The following VPS16 variants were observed in gnomAD, a reference collection of about 807,000 sequenced individuals.
VPS16 encodes the protein VPS16 core subunit of CORVET and HOPS complexes.
Under a neutral mutation model 116.0 loss-of-function variants are expected in VPS16, and 82 were observed. That is an observed-to-expected ratio of 0.71 (90% CI 0.59 to 0.85). The LOEUF (loss-of-function observed/expected upper bound fraction) is 0.85, where lower values mean the gene tolerates loss of function less well. Ranked by LOEUF, VPS16 falls within the 40% of genes least tolerant of loss-of-function variation. The probability of loss-of-function intolerance (pLI) is 0.00; values close to 1 mark genes in which losing one functional copy is unlikely to be tolerated. For missense variants in VPS16, 928 were observed against 1,090.6 expected (o/e 0.85, Z 2.10); for synonymous variants, 406 against 420.7 (o/e 0.96, Z 0.43).
At chr20:2,850,829 G>T (rs2089111515) in intron 1 of VPS16, among the ~76,000 whole-genome samples, 1 of 151,256 alleles carries the variant, frequency 6.6e-6, no homozygotes, top group Non-Finnish European at 1.5e-5. Context: ...AAAAACAGCT[G>T]GGCATGGTGG....
chr20:2,864,927 G>A lies in VPS16; in HGVS notation c.1927-51G>A. The A allele has an allele frequency of 6.2e-7, 1 of 1,610,936 alleles. No individual in the cohort carries two copies. The highest frequency in any genetic ancestry group is 1.1e-5 in the South Asian group (1 of 90,984). On this transcript the variant is annotated intron_variant, in intron 19 of 23. Transcript: ENST00000380445. This position sits in a 1 kb window ranked among gnomAD's most constrained non-coding sequence, Gnocchi z 5.2. The stretch of plus-strand genomic sequence containing the variant: ...AGAAGACTGTAGCCTGGGTGAGGAG[G>A]GCGAGGGTCCTGCATGCTGTGAGTT...
Position 2,864,089 on chromosome 20 carries a change from G to T in VPS16, c.1611+6G>T. On this transcript the variant is annotated splice_donor_region_variant and intron_variant, in intron 16 of 23. Coordinates refer to ENST00000380445, the MANE Select transcript of VPS16 (RefSeq NM_022575.4). The surrounding 1 kb of genome is among the most constrained non-coding windows in gnomAD (Gnocchi z 5.2). ...GCACGGAGCTGGCCATCAAGGTGTG[G>T]GTGCCCAGCCCTCCACAGACACTCT... 3.1e-6 allele frequency: 5 copies of T among 1,613,774 alleles called. No individual in the cohort carries two copies. The highest frequency in any genetic ancestry group is 4.2e-6 in the Non-Finnish European group (5 of 1,179,716).
chr20:2,866,014 T>G, intron 22 of VPS16, 198 bp from the exon 23 acceptor site: 1 of 595,786 alleles, frequency 1.7e-6, no homozygotes, highest in East Asian at 2.9e-5. Flanking sequence ...TGACAGAGCT[T>G]TGGTTTAGGT....
chr20:2,865,611 A>G lies in VPS16; in HGVS notation c.2271+116A>G. 1.1e-6 allele frequency: 1 copy of G among 926,758 alleles called. No individual in the cohort carries two copies. The highest frequency in any genetic ancestry group is 2.6e-5 in the Admixed American group (1 of 38,306). 57.4% of individuals were successfully genotyped at this position (926,758 alleles called of 1,614,324 possible). A position where few individuals can be genotyped will look rare whatever the true frequency, so the allele number is the denominator to read the frequency against. On this transcript the variant is annotated intron_variant, in intron 22 of 23. Transcript: ENST00000380445. The surrounding 1 kb of genome is among the most constrained non-coding windows in gnomAD (Gnocchi z 5.2). The stretch of plus-strand genomic sequence containing the variant: ...CATGCTCCTGTTCAGCTGCCCGCAT[A>G]GTTAGCGAGTGCTTCCTGTATACAC...
chr20:2,856,519 G>A (rs1290711747), intron 1 of VPS16, among the ~76,000 whole-genome samples: 2 of 152,222 alleles, frequency 1.3e-5, no homozygotes, highest in Non-Finnish European at 2.9e-5. Context: ...AAAGCAAAGT[G>A]CAACAAAATG....
chr20:2,843,363 C>T (rs1470365048), intron 1 of VPS16, among the ~76,000 whole-genome samples: 1 of 151,482 alleles, frequency 6.6e-6, no homozygotes, highest in East Asian at 1.9e-4. Flanking sequence ...ACCTGGGAGG[C>T]GGAGGTTGCG....
chr20:2,859,701 T>A lies in VPS16; in HGVS notation c.54-18T>A. On this transcript the variant is annotated intron_variant, in intron 1 of 23. Transcript: ENST00000380445. ...GCAGGGTAATGAGGCTAATTTCTGC[T>A]CATCTCTGTGTGGGCAGGAAATATG... The A allele has an allele frequency of 6.2e-7, 1 of 1,612,766 alleles. No individual in the cohort carries two copies. Among genetic ancestry groups the A allele is most frequent in the South Asian group, 1.1e-5 (1 of 90,926 alleles).
At chr20:2,849,195 A>G (rs904320776) in intron 1 of VPS16, among the ~76,000 whole-genome samples, 101 of 152,140 alleles carry the variant, frequency 6.6e-4, no homozygotes, top group Non-Finnish European at 5.9e-5. Context: ...TTTTCACATG[A>G]GAAATGGTGT....
chr20:2,840,991 G>A, intron 1 of VPS16, 164 bp downstream of exon 1: 2 of 654,240 alleles, frequency 3.1e-6, no homozygotes, highest in South Asian at 3.9e-5. Context: ...TTTGGGCAGG[G>A]AGCCGGGCCT....
chr20:2,852,585 A>G (rs2089132749), intron 1 of VPS16, among the ~76,000 whole-genome samples: 1 of 152,230 alleles, frequency 6.6e-6, no homozygotes, highest in Admixed American at 6.5e-5. Context: ...CCAGACTACA[A>G]CAATATAATG....
chr20:2,853,754 C>G (rs527904479), intron 1 of VPS16, among the ~76,000 whole-genome samples: 38 of 152,162 alleles, frequency 2.5e-4, no homozygotes, highest in Middle Eastern at 6.8e-3. Flanking sequence ...CTCACTGCAA[C>G]CTCCGTCTCC....
In VPS16 at chr20:2,841,223, G is replaced by A. The variant is rs542362246; in HGVS notation, c.53+396G>A. On this transcript the variant is annotated intron_variant, in intron 1 of 23. Coordinates refer to ENST00000380445, the MANE Select transcript of VPS16 (RefSeq NM_022575.4). ...GGGCGGGGTAACAGTGCTGACCAAGGCTGGGAAAAGGGGGCGAGTCGTCCG... is the reference window on the plus strand; with the variant it reads ...GGGCGGGGTAACAGTGCTGACCAAGACTGGGAAAAGGGGGCGAGTCGTCCG... The A allele has an allele frequency of 2.5e-3, 611 of 240,266 alleles. 4 individuals carry two copies. The highest frequency in any genetic ancestry group is 3.6e-3 in the Non-Finnish European group (442 of 121,592). 14.9% of individuals were successfully genotyped at this position (240,266 alleles called of 1,614,324 possible).
chr20:2,844,834 G>T (rs1329278524), intron 1 of VPS16, among the ~76,000 whole-genome samples: 1 of 152,156 alleles, frequency 6.6e-6, no homozygotes, highest in African/African-American at 2.4e-5. Context: ...CCTAAAGAGA[G>T]CCAGTGTGGC....
chr20:2,866,108 T>C (rs564076772), intron 22 of VPS16, 104 bp from the exon 23 acceptor site: 7 of 969,164 alleles, frequency 7.2e-6, no homozygotes, highest in Middle Eastern at 2.2e-4. Context: ...TGTATACATA[T>C]AGAATATATA....
Position 2,864,447 on chromosome 20 carries a change from C to T in VPS16, c.1803C>T (p.Leu601=). 6.2e-7 allele frequency: 1 copy of T among 1,614,172 alleles called. No individual in the cohort carries two copies. The highest frequency in any genetic ancestry group is 8.5e-7 in the Non-Finnish European group (1 of 1,180,034). The change falls in exon 18 of 24, where the codon CTC becomes CTT. Residue 601 remains leucine, a synonymous_variant. Coordinates refer to ENST00000380445, the MANE Select transcript of VPS16 (RefSeq NM_022575.4). The surrounding 1 kb of genome is among the most constrained non-coding windows in gnomAD (Gnocchi z 5.2). ...FMTLRNQPMA[L]SLYRQFCKHQ... ...CCCTTCGGAATCAGCCCATGGCCCT[C>T]AGTTTGTACCGACAGGTGTGTGTAG...
At chr20:2,866,171 G>A (rs768348117) in intron 22 of VPS16, 41 bp from the exon 23 acceptor site, 18 of 1,572,834 alleles carry the variant, frequency 1.1e-5, no homozygotes, top group Non-Finnish European at 1.5e-5. Flanking sequence ...CAGGAGGGCT[G>A]TGCATTACCT....
chr20:2,855,430 G>A (rs1304853342), intron 1 of VPS16, among the ~76,000 whole-genome samples: 1 of 152,020 alleles, frequency 6.6e-6, no homozygotes, highest in Non-Finnish European at 1.5e-5. Context: ...ATTCTTAAGG[G>A]TCCTAGGATT....
chr20:2,855,745 T>G (rs1168866805), intron 1 of VPS16, among the ~76,000 whole-genome samples: 2 of 152,236 alleles, frequency 1.3e-5, no homozygotes, highest in African/African-American at 2.4e-5. Flanking sequence ...GCTTTTTCCC[T>G]TAAACCTCAT....
chr20:2,850,965 C>CAAAAAAA (rs57731229), intron 1 of VPS16, among the ~76,000 whole-genome samples: 9 of 91,396 alleles, frequency 9.8e-5, no homozygotes, highest in Admixed American at 2.2e-4. Flanking sequence ...GTAAGACTGT[C>CAAAAAAA]AAAAAAAAAA....
Sources: allele counts gnomAD v4.1 joint callset (sites outside exome capture counted in the v4.1 genomes callset), GRCh38; gene constraint gnomAD v4.1.1; non-coding constraint Gnocchi (gnomAD v3.1); transcripts MANE v1.5; gene names NCBI Gene and HGNC (gene_info 2026-07-23, HGNC 2026-07-21).